The following ZW10 variants were observed in gnomAD, a reference collection of about 807,000 sequenced individuals.
ZW10 encodes the protein centromere/kinetochore protein zw10 homolog.
ZW10 carries 53 observed loss-of-function variants against 87.8 expected under a neutral mutation model. That is an observed-to-expected ratio of 0.60 (90% CI 0.48 to 0.76). ZW10 has a LOEUF of 0.76. Ranked by LOEUF, ZW10 falls within the 30% of genes least tolerant of loss-of-function variation. The probability of loss-of-function intolerance (pLI) is 0.00; values close to 1 mark genes in which losing one functional copy is unlikely to be tolerated. For synonymous variants in ZW10, 312 were observed against 329.2 expected, an observed-to-expected ratio of 0.95 and a Z score of 0.57; for missense variants, 837 against 923.0, an observed-to-expected ratio of 0.91 and a Z score of 1.21.
At chr11:113,746,164 G>A (rs1426770658) in intron 9 of ZW10, among the ~76,000 whole-genome samples, 1 of 152,148 alleles carries the variant, frequency 6.6e-6, no homozygotes, top group Non-Finnish European at 1.5e-5. Context: ...GAGACGTCCT[G>A]ACCTAGAGGA....
intron 7 of ZW10, among the ~76,000 whole-genome samples, chr11:113,754,139 T>C (rs1169987415): frequency 6.6e-6 from 1 of 152,206 alleles, no homozygotes; most frequent in Non-Finnish European, 1.5e-5. Flanking sequence ...TGTTAGGGAC[T>C]AATGCTGCTG....
chr11:113,766,134 G>A (rs893000752), intron 2 of ZW10, among the ~76,000 whole-genome samples: 1 of 152,170 alleles, frequency 6.6e-6, no homozygotes, highest in Admixed American at 6.5e-5. Context: ...ACTTTGGGAG[G>A]CTGAGGAAGA....
chr11:113,737,480 G>T, intron 14 of ZW10, 92 bp downstream of exon 14: 4 of 1,249,796 alleles, frequency 3.2e-6, no homozygotes, highest in African/African-American at 1.5e-5. Flanking sequence ...CATGAAACAT[G>T]AACAATTTCT....
chr11:113,747,003 A>G (rs190500389), intron 9 of ZW10, among the ~76,000 whole-genome samples: 1 of 152,196 alleles, frequency 6.6e-6, no homozygotes, highest in Admixed American at 6.5e-5. Context: ...AATTCAAGGT[A>G]TATACATTAT....
In ZW10 at chr11:113,760,882, T is replaced by G; in HGVS notation, c.277A>C (p.Thr93Pro). 6.2e-7 allele frequency: 1 copy of G among 1,614,102 alleles called. No homozygotes were observed. The change falls in exon 3 of 16, where the codon ACA becomes CCA. Residue 93 changes from threonine to proline, a missense_variant. By Grantham distance (38) the Thr-to-Pro change is conservative. Coordinates refer to ENST00000200135, the MANE Select transcript of ZW10 (RefSeq NM_004724.4). ...CTTTCCAACTGCTGCTTTAAGTCTG[T>G]AAATTCACCGGTTGATACGTGAAGA... is the stretch of plus-strand genomic sequence containing the variant. Reference protein sequence around the residue: ...RDLHVSTGEFTDLKQQLERDS... With the variant: ...RDLHVSTGEFPDLKQQLERDS...
intron 14 of ZW10, 127 bp downstream of exon 14, chr11:113,737,442 GAAA>G: frequency 1.8e-5 from 15 of 820,952 alleles, no homozygotes; most frequent in South Asian, 3.3e-5. Flanking sequence ...AAACAAAACT[GAAA>G]AAAAAAAAAA....
At position 113,741,682 on chromosome 11, in the gene ZW10, A is replaced by T; in HGVS notation, c.1583+12T>A. 6.4e-7 allele frequency: 1 copy of T among 1,552,626 alleles called. No individual in the cohort carries two copies. The highest frequency in any genetic ancestry group is 2.3e-5 in the East Asian group (1 of 43,614). Reference sequence around the variant, plus strand: ...CAATTATTATATAGAAATGAGATACAGTGGTACTTACTTGTGATATGTTGG... The same window carrying T: ...CAATTATTATATAGAAATGAGATACTGTGGTACTTACTTGTGATATGTTGG... On this transcript the variant is annotated intron_variant, in intron 11 of 15. Coordinates refer to ENST00000200135, the MANE Select transcript of ZW10 (RefSeq NM_004724.4).
Position 113,739,249 on chromosome 11 carries a change from T to C in ZW10, c.1717A>G (p.Thr573Ala), listed in dbSNP as rs755696652. The change falls in exon 12 of 16, where the codon ACT (threonine) becomes GCT (alanine). Residue 573 changes from threonine (T) to alanine (A), a missense_variant. Coordinates refer to ENST00000200135, the MANE Select transcript of ZW10 (RefSeq NM_004724.4). ...LAPILCDGTA[T>A]FVDLVPGFRR... ...AAGCCAGGTACAAGATCCACAAAAG[T>C]AGCAGTGCCATCACAAAGAATGGGG... is the stretch of plus-strand genomic sequence containing the variant. The C allele has an allele frequency of 1.2e-6, 2 of 1,613,940 alleles. No homozygotes were observed. The highest frequency in any genetic ancestry group is 1.7e-6 in the Non-Finnish European group (2 of 1,179,952).
chr11:113,771,001 C>A (rs1953961029), intron 1 of ZW10, among the ~76,000 whole-genome samples: 1 of 130,876 alleles, frequency 7.6e-6, no homozygotes, highest in East Asian at 2.3e-4. Context: ...GAGACAGAGT[C>A]TCACTCCGTC....
At position 113,760,525 on chromosome 11, in the gene ZW10, C is replaced by G; in HGVS notation, c.408G>C (p.Gln136His). ...GAGCATTTAGTACCTCTTCCAGACGCTGAGCACCAGTGACATACTTCTTCT... is the reference window on the plus strand; with the variant it reads ...GAGCATTTAGTACCTCTTCCAGACGGTGAGCACCAGTGACATACTTCTTCT... Reference protein sequence around the residue: ...LTEKKYVTGAQRLEEAQKCLK... With the variant: ...LTEKKYVTGAHRLEEAQKCLK... The change falls in exon 4 of 16, where the codon CAG becomes CAC. Residue 136 changes from glutamine (Q) to histidine (H), a missense_variant. Transcript: ENST00000200135. 1 of 1,613,768 alleles carries G rather than the reference C, an allele frequency of 6.2e-7. No homozygotes were observed. The highest frequency in any genetic ancestry group is 8.5e-7 in the Non-Finnish European group (1 of 1,179,886).
chr11:113,757,762 A>C lies in ZW10; in HGVS notation c.825T>G (p.Ile275Met). The C allele has an allele frequency of 1.9e-6, 3 of 1,613,980 alleles. No homozygotes were observed. Among genetic ancestry groups the C allele is most frequent in the Non-Finnish European group, 2.5e-6 (3 of 1,179,856 alleles). Residue 275 changes from isoleucine (I) to methionine (M), a missense_variant, in exon 7 of 16, where the codon ATT becomes ATG. Ile to Met is a conservative substitution (Grantham distance 10). Transcript: ENST00000200135. ...VIESQPNIVIIRFESIMTNLE... is the reference protein window; with the variant it reads ...VIESQPNIVIMRFESIMTNLE... The stretch of plus-strand genomic sequence containing the variant: ...AGTTAGTCATTATAGATTCAAAACG[A>C]ATAATAACTATGTTAGGCTGGCTTT...
rs372783057 is a variant in ZW10, at chr11:113,737,562, T to C, written c.2016+10A>G. 8 of 1,598,544 alleles carry C rather than the reference T, an allele frequency of 5.0e-6. No individual in the cohort carries two copies. The highest frequency in any genetic ancestry group is 1.7e-5 in the Admixed American group (1 of 59,432). On this transcript the variant is annotated intron_variant, in intron 14 of 15. Transcript: ENST00000200135. The stretch of plus-strand genomic sequence containing the variant: ...ATCTCAAGGCTAGTGTAGCATCTAA[T>C]GGCCCTTACCTCTAGGGCAGTAATT...
chr11:113,736,165 C>T (rs1173539992), intron 15 of ZW10, among the ~76,000 whole-genome samples: 1 of 151,922 alleles, frequency 6.6e-6, no homozygotes, highest in African/African-American at 2.4e-5. Flanking sequence ...ATCCCAGCTA[C>T]TCAGGAGGCT....
chr11:113,738,435 C>CAATTACACA (rs1953577041), intron 12 of ZW10, 41 bp from the exon 13 acceptor site: 1 of 1,593,560 alleles, frequency 6.3e-7, no homozygotes, highest in Admixed American at 1.8e-5. Context: ...AAAAGCTGCT[C>CAATTACACA]AATTACACAC....
At chr11:113,746,871 T>TA (rs1953683756) in intron 9 of ZW10, among the ~76,000 whole-genome samples, 1 of 152,174 alleles carries the variant, frequency 6.6e-6, no homozygotes, top group Admixed American at 6.5e-5. Context: ...GCAGATCAGA[T>TA]AAGGCCTTGC....
At chr11:113,758,745 T>C (rs777528241) in intron 5 of ZW10, 39 bp from the exon 6 acceptor site, 2 of 1,600,448 alleles carry the variant, frequency 1.2e-6, no homozygotes, top group Admixed American at 1.7e-5. Context: ...GTCTCACCAA[T>C]ATGAGATGTT....
chr11:113,763,409 A>G (rs555031515), intron 2 of ZW10, among the ~76,000 whole-genome samples: 179 of 152,300 alleles, frequency 1.2e-3, no homozygotes, highest in South Asian at 5.4e-3. Flanking sequence ...GTCAAATGGT[A>G]TTTTTGGTTC....
intron 10 of ZW10, among the ~76,000 whole-genome samples, chr11:113,743,505 G>A (rs1195095104): frequency 2.0e-5 from 3 of 152,092 alleles, no homozygotes; most frequent in Non-Finnish European, 4.4e-5. Flanking sequence ...AGAACTTTTT[G>A]TTAAAAAGTG....
intron 10 of ZW10, among the ~76,000 whole-genome samples, 161 bp downstream of exon 10, chr11:113,743,641 A>G (rs1417182489): frequency 6.6e-6 from 1 of 152,238 alleles, no homozygotes; most frequent in Non-Finnish European, 1.5e-5. Context: ...AATCTGTGTG[A>G]TGCACTGGGT....
Sources: gnomAD v4.1 joint callset for allele counts (sites outside exome capture counted in the v4.1 genomes callset) on GRCh38, gnomAD v4.1.1 for gene constraint, MANE v1.5 for transcripts, NCBI Gene and HGNC (gene_info 2026-07-23, HGNC 2026-07-21) for gene names.